Variants in MAF observed in about 807,000 individuals in gnomAD.
MAF encodes transcription factor Maf.
MAF carries 10 observed loss-of-function variants against 22.0 expected under a neutral mutation model. The ratio of observed to expected loss-of-function variants is 0.45; its 90% CI spans 0.28 to 0.77. The LOEUF is 0.77. Among genes scored for constraint, MAF ranks in the 30% least tolerant of loss-of-function variants. MAF has a pLI of 0.12. For missense variants in MAF, 544 were observed against 548.4 expected (o/e 0.99, Z 0.08); for synonymous variants, 337 against 255.8 (o/e 1.32, Z -3.03).
intron 1 of MAF, chr16:79,598,049 T>TAAA: frequency 1.1e-6 from 1 of 882,552 alleles, no homozygotes; most frequent in East Asian, 6.8e-5. Context: ...ATAACAATGC[T>TAAA]AAAAAAAAAA....
At chr16:79,328,290 T>TTA in the MAF span, among the ~76,000 whole-genome samples, 2 of 151,798 alleles carry the variant, frequency 1.3e-5, no homozygotes, top group Non-Finnish European at 2.9e-5. Flanking sequence ...CCTTTTTTTT[T>TTA]AAAAAAAGAA....
chr16:79,478,743 G>C, the MAF span, among the ~76,000 whole-genome samples: 11 of 151,854 alleles, frequency 7.2e-5, no homozygotes, highest in South Asian at 4.2e-4. Context: ...AGCATACCTG[G>C]ATGTCATCCT....
At chr16:79,403,642 C>T in the MAF span, among the ~76,000 whole-genome samples, 6 of 152,210 alleles carry the variant, frequency 3.9e-5, no homozygotes, top group Non-Finnish European at 7.3e-5. Flanking sequence ...AGTTCCTCTT[C>T]ACCTCTGGAG....
At chr16:79,569,327 G>T in the MAF span, among the ~76,000 whole-genome samples, 2 of 152,176 alleles carry the variant, frequency 1.3e-5, no homozygotes, top group East Asian at 3.9e-4. Context: ...ATTGCCAAAT[G>T]TCCCTGGAGG....
chr16:79,473,172 C>T, the MAF span, among the ~76,000 whole-genome samples: 1 of 152,032 alleles, frequency 6.6e-6, no homozygotes, highest in Non-Finnish European at 1.5e-5. Flanking sequence ...CCAGACACAT[C>T]GTGGGAGGAA....
chr16:79,525,318 G>T, the MAF span, among the ~76,000 whole-genome samples: 1 of 152,210 alleles, frequency 6.6e-6, no homozygotes, highest in African/African-American at 2.4e-5. Context: ...CTTGAGAACA[G>T]TGAATTCCTT....
chr16:79,401,336 C>G, the MAF span, among the ~76,000 whole-genome samples: 5 of 152,306 alleles, frequency 3.3e-5, no homozygotes, highest in African/African-American at 1.2e-4. Flanking sequence ...CCTTGCCATT[C>G]TCTCATGGAA....
the MAF span, chr16:79,212,095 C>A: frequency 1.3e-6 from 2 of 1,535,934 alleles, no homozygotes; most frequent in African/African-American, 1.4e-5. Flanking sequence ...TGGAGAAGCA[C>A]CAGCAATTCT....
chr16:79,565,155 GA>G, the MAF span, among the ~76,000 whole-genome samples: 1 of 152,124 alleles, frequency 6.6e-6, no homozygotes, highest in African/African-American at 2.4e-5. Context: ...TGCTACCAAA[GA>G]CCCAAAATAC....
chr16:79,552,082 C>T, the MAF span, among the ~76,000 whole-genome samples: 2 of 152,134 alleles, frequency 1.3e-5, no homozygotes, highest in African/African-American at 2.4e-5. Context: ...ACCTAACCGC[C>T]CCAAGACCCC....
the MAF span, among the ~76,000 whole-genome samples, chr16:79,325,574 C>A: frequency 6.6e-6 from 1 of 150,564 alleles, no homozygotes; most frequent in Non-Finnish European, 1.5e-5. Context: ...CACACAGATG[C>A]CCACACACAG....
At chr16:79,510,014 T>A in the MAF span, among the ~76,000 whole-genome samples, 1 of 152,184 alleles carries the variant, frequency 6.6e-6, no homozygotes, top group East Asian at 1.9e-4. Context: ...TAAATCGCTT[T>A]GGACATGGCA....
At chr16:79,267,948 G>A in the MAF span, among the ~76,000 whole-genome samples, 6 of 152,112 alleles carry the variant, frequency 3.9e-5, no homozygotes, top group Non-Finnish European at 5.9e-5. Context: ...GCGGGGGCAC[G>A]CCTTTCCCCT....
At chr16:79,597,224 T>G (rs774109003) in intron 1 of MAF, 4 of 1,051,982 alleles carry the variant, frequency 3.8e-6, no homozygotes, top group Non-Finnish European at 4.6e-6. Context: ...CAGACCTAAC[T>G]CTTTCAAATT....
chr16:79,578,859 C>T, the MAF span, among the ~76,000 whole-genome samples: 6 of 152,124 alleles, frequency 3.9e-5, no homozygotes, highest in Admixed American at 3.9e-4. Flanking sequence ...CCTCTGAGTA[C>T]AGAAATTTAT....
chr16:79,216,472 G>A, the MAF span, among the ~76,000 whole-genome samples: 18 of 152,178 alleles, frequency 1.2e-4, no homozygotes, highest in African/African-American at 3.4e-4. Flanking sequence ...TGTGCTTAGA[G>A]TACCCATATG....
chr16:79,462,779 T>C, the MAF span, among the ~76,000 whole-genome samples: 1 of 152,220 alleles, frequency 6.6e-6, no homozygotes, highest in African/African-American at 2.4e-5. Context: ...GGGCACCTAC[T>C]AAATGCCAGG....
chr16:79,214,804 C>T, the MAF span, among the ~76,000 whole-genome samples: 44 of 147,798 alleles, frequency 3.0e-4, no homozygotes, highest in African/African-American at 9.3e-4. Flanking sequence ...CCTCCCTCCC[C>T]GGTTCAAGCG....
chr16:79,310,076 T>C, the MAF span, among the ~76,000 whole-genome samples: 1 of 152,098 alleles, frequency 6.6e-6, no homozygotes, highest in African/African-American at 2.4e-5. Context: ...CTCCCAGCAC[T>C]GAGAATTAAT....
Sources: allele counts gnomAD v4.1 joint callset (sites outside exome capture counted in the v4.1 genomes callset), GRCh38; gene constraint gnomAD v4.1.1; transcripts MANE v1.5; gene names NCBI Gene and HGNC (gene_info 2026-07-23, HGNC 2026-07-21).